The following ZNF236 variants were observed in gnomAD, a reference collection of about 807,000 sequenced individuals.
ZNF236 encodes the protein regulated by glucose.
ZNF236 carries 50 observed loss-of-function variants against 191.2 expected under a neutral mutation model. The observed-to-expected ratio is 0.26, with a 90% CI of 0.21 to 0.33. ZNF236 has a LOEUF of 0.33. ZNF236 is among the 10% of genes least tolerant of loss of function. ZNF236 has a pLI of 1.00. For synonymous variants in ZNF236, 907 were observed against 928.8 expected, an observed-to-expected ratio of 0.98 and a Z score of 0.43; for missense variants, 1,754 against 2,374.5, an observed-to-expected ratio of 0.74 and a Z score of 5.43.
chr18:76,929,533 A>T (rs768411640), intron 25 of ZNF236, among the ~76,000 whole-genome samples: 11 of 152,140 alleles, frequency 7.2e-5, no homozygotes, highest in Admixed American at 4.6e-4. Flanking sequence ...CAGTTTGTGG[A>T]TTGTGCCTCT....
intron 1 of ZNF236, 113 bp downstream of exon 1, chr18:76,822,775 G>A (rs930719331): frequency 6.9e-6 from 1 of 145,210 alleles, no homozygotes; most frequent in African/African-American, 2.5e-5. Flanking sequence ...GCGGGGGCGG[G>A]GGCCGCGCAG....
intron 5 of ZNF236, among the ~76,000 whole-genome samples, chr18:76,873,822 TCC>T: frequency 7.7e-6 from 1 of 129,738 alleles, no homozygotes; most frequent in South Asian, 2.7e-4. Flanking sequence ...TGCCCTCCTC[TCC>T]TGTCCCCACG....
intron 30 of ZNF236, among the ~76,000 whole-genome samples, chr18:76,961,211 G>A (rs1968659201): frequency 6.6e-6 from 1 of 151,554 alleles, no homozygotes; most frequent in Non-Finnish European, 1.5e-5. Context: ...TTATGCCTTT[G>A]TATCCTCATA....
At position 76,928,035 on chromosome 18, in the gene ZNF236, T is replaced by A. The variant is rs1404028746; in HGVS notation, c.4523T>A (p.Leu1508Gln). 6.2e-7 allele frequency: 1 copy of A among 1,613,914 alleles called. No individual in the cohort carries two copies. Among genetic ancestry groups the A allele is most frequent in the Non-Finnish European group, 8.5e-7 (1 of 1,179,978 alleles). Reference sequence around the variant, plus strand: ...AACAACTCCAGCCTGAGCCAGGTCCTGGCACAGGCCGCTGGGCCCACTGCC... The same window carrying A: ...AACAACTCCAGCCTGAGCCAGGTCCAGGCACAGGCCGCTGGGCCCACTGCC... ...TINNSSLSQV[L>Q]AQAAGPTATS... Residue 1508 changes from leucine (L) to glutamine (Q), a missense_variant, in exon 25 of 31, where the codon CTG (leucine) becomes CAG (glutamine). Physicochemically the swap from Leu to Gln is moderately radical, Grantham distance 113. This residue lies in a region of ZNF236 where 606 missense variants were observed against 761.5 expected (regional missense o/e 0.80). Transcript: ENST00000320610.
intron 9 of ZNF236, among the ~76,000 whole-genome samples, chr18:76,892,040 T>C (rs1977252842): frequency 6.6e-6 from 1 of 151,976 alleles, no homozygotes; most frequent in African/African-American, 2.4e-5. Flanking sequence ...GGTATTTGTA[T>C]ACAGATGATA....
chr18:76,953,092 G>A (rs770739788), intron 27 of ZNF236, among the ~76,000 whole-genome samples: 3 of 152,206 alleles, frequency 2.0e-5, no homozygotes, highest in Non-Finnish European at 4.4e-5. Flanking sequence ...GATCTGACAA[G>A]ATGTGTACTC....
chr18:76,875,670 C>G lies in ZNF236; in HGVS notation c.840+6C>G, dbSNP rs1283028787. 2 of 1,557,632 alleles carry G rather than the reference C, an allele frequency of 1.3e-6. No homozygotes were observed. The highest frequency in any genetic ancestry group is 1.7e-6 in the Non-Finnish European group (2 of 1,145,994). The stretch of plus-strand genomic sequence containing the variant: ...TGCAGCGAGTCCACTCAGAGGTAAA[C>G]ACGGGTTGGGGGCATAAGCGGTATT... On this transcript the variant is annotated splice_donor_region_variant and intron_variant, in intron 6 of 30. Coordinates refer to ENST00000320610, the MANE Select transcript of ZNF236 (RefSeq NM_001306089.2). The surrounding 1 kb of genome is among the most constrained non-coding windows in gnomAD (Gnocchi z 4.3).
intron 27 of ZNF236, among the ~76,000 whole-genome samples, chr18:76,949,960 A>G (rs1357469457): frequency 4.6e-5 from 1 of 21,714 alleles, no homozygotes; most frequent in East Asian, 1.9e-3. Context: ...CCTGACCAGC[A>G]TTACGTTTTT....
intron 30 of ZNF236, among the ~76,000 whole-genome samples, chr18:76,965,895 T>G (rs1369347132): frequency 6.6e-6 from 1 of 152,158 alleles, no homozygotes; most frequent in Non-Finnish European, 1.5e-5. Context: ...CCAGAGAGCA[T>G]CAGCTGTGGT....
Position 76,928,051 on chromosome 18 carries a change from G to A in ZNF236, c.4539G>A (p.Gly1513=), listed in dbSNP as rs1396098151. Residue 1513 remains glycine (G), a synonymous_variant, in exon 25 of 31, where the codon GGG becomes GGA. Coordinates refer to ENST00000320610, the MANE Select transcript of ZNF236 (RefSeq NM_001306089.2). The part of the protein sequence containing the change: ...SLSQVLAQAA[G]PTATSSSGSP... ...GCCAGGTCCTGGCACAGGCCGCTGG[G>A]CCCACTGCCACGTCTTCCTCGGGGT... The A allele has an allele frequency of 1.9e-6, 3 of 1,613,808 alleles. No homozygotes were observed. Among genetic ancestry groups the A allele is most frequent in the Non-Finnish European group, 1.7e-6 (2 of 1,179,866 alleles).
At chr18:76,832,323 C>T (rs754376705) in intron 1 of ZNF236, among the ~76,000 whole-genome samples, 24 of 152,150 alleles carry the variant, frequency 1.6e-4, no homozygotes, top group South Asian at 1.0e-3. Context: ...TCAGGTGGTC[C>T]GCCCACCTTG....
Position 76,925,520 on chromosome 18 carries a change from G to T in ZNF236, c.3993G>T (p.Leu1331=). 1 of 1,613,816 alleles carries T rather than the reference G, an allele frequency of 6.2e-7. No individual in the cohort carries two copies. The highest frequency in any genetic ancestry group is 1.1e-5 in the South Asian group (1 of 91,072). The change falls in exon 22 of 31, where the codon CTG becomes CTT. Residue 1331 remains leucine (L), a synonymous_variant. Transcript: ENST00000320610. This position sits in a 1 kb window ranked among gnomAD's most constrained non-coding sequence, Gnocchi z 5.7. ...QFDQNLLQPG[L]VGQAILPASV... is the part of the protein sequence containing the mutation. ...ATCAGAATCTGCTGCAACCAGGACT[G>T]GTGGGCCAAGCTATTCTCCCTGCCT...
chr18:76,822,962 C>G (rs1277588118), intron 1 of ZNF236, among the ~76,000 whole-genome samples: 1 of 148,640 alleles, frequency 6.7e-6, no homozygotes, highest in African/African-American at 2.4e-5. Context: ...TGCGCGCGCC[C>G]TGCCCCCGCT....
intron 1 of ZNF236, among the ~76,000 whole-genome samples, chr18:76,839,295 G>A (rs1975416067): frequency 6.6e-6 from 1 of 152,194 alleles, no homozygotes; most frequent in Admixed American, 6.5e-5. Context: ...TTTAGTTGAT[G>A]CTGCTAAATA....
chr18:76,936,063 T>C (rs1475158658), intron 25 of ZNF236: 3 of 457,074 alleles, frequency 6.6e-6, no homozygotes, highest in South Asian at 4.6e-5. Flanking sequence ...CAGCGACAAG[T>C]AAGTAACCTA....
chr18:76,925,600 G>A lies in ZNF236; in HGVS notation c.4027+46G>A, dbSNP rs1385027364. On this transcript the variant is annotated intron_variant, in intron 22 of 30. Coordinates refer to ENST00000320610, the MANE Select transcript of ZNF236 (RefSeq NM_001306089.2). The surrounding 1 kb of genome is among the most constrained non-coding windows in gnomAD (Gnocchi z 5.7). ...ATGAGAGCAGCACAGTGATTGAACTGTTCTGTGCTGCTTCTGTCTGTTCCC... is the reference window on the plus strand; with the variant it reads ...ATGAGAGCAGCACAGTGATTGAACTATTCTGTGCTGCTTCTGTCTGTTCCC... 2 of 1,583,578 alleles carry A rather than the reference G, an allele frequency of 1.3e-6. No individual in the cohort carries two copies. Among genetic ancestry groups the A allele is most frequent in the Non-Finnish European group, 1.7e-6 (2 of 1,167,548 alleles).
At chr18:76,914,040 C>A (rs954250848) in intron 18 of ZNF236, 142 bp downstream of exon 18, 5 of 898,990 alleles carry the variant, frequency 5.6e-6, no homozygotes, top group Non-Finnish European at 4.9e-6. Context: ...CTGCAACCAT[C>A]AAAACTGTAA....
intron 29 of ZNF236, 41 bp downstream of exon 29, chr18:76,959,857 A>G: frequency 6.3e-7 from 1 of 1,598,592 alleles, no homozygotes; most frequent in African/African-American, 1.3e-5. Context: ...TACTCTTTGA[A>G]GTAGACATCA....
chr18:76,872,496 A>T (rs1378478860), intron 5 of ZNF236, among the ~76,000 whole-genome samples: 3 of 150,948 alleles, frequency 2.0e-5, no homozygotes, highest in Non-Finnish European at 4.4e-5. Flanking sequence ...AAAACAAATA[A>T]AATAAAAAAC....
Sources: gnomAD v4.1 joint callset for allele counts (sites outside exome capture counted in the v4.1 genomes callset) on GRCh38, gnomAD v4.1.1 for gene constraint, gnomAD v4.1.1 regional missense constraint, Gnocchi (gnomAD v3.1) non-coding constraint, MANE v1.5 for transcripts, NCBI Gene and HGNC (gene_info 2026-07-23, HGNC 2026-07-21) for gene names.